The following PCSK2 variants were observed in gnomAD, a reference collection of about 807,000 sequenced individuals.
PCSK2 encodes neuroendocrine convertase 2.
Under a neutral mutation model 69.7 loss-of-function variants are expected in PCSK2, and 14 were observed. The observed-to-expected ratio is 0.20, with a 90% confidence interval of 0.13 to 0.31. PCSK2 has a LOEUF of 0.31. Ranked by LOEUF, PCSK2 falls within the 10% of genes least tolerant of loss-of-function variation. The pLI, the probability that PCSK2 is intolerant of heterozygous loss-of-function variation, is 1.00. For missense variants in PCSK2, 544 were observed against 842.5 expected (o/e 0.65, Z 4.39); for synonymous variants, 307 against 320.7 (o/e 0.96, Z 0.46).
chr20:17,427,194 A>G (rs1050309802), intron 6 of PCSK2, among the ~76,000 whole-genome samples: 2 of 152,140 alleles, frequency 1.3e-5, no homozygotes, highest in Admixed American at 1.3e-4. Flanking sequence ...CACAGGGCCC[A>G]TCTCATAGTA....
intron 6 of PCSK2, among the ~76,000 whole-genome samples, chr20:17,428,998 A>G (rs1433527173): frequency 8.2e-5 from 2 of 24,304 alleles, no homozygotes; most frequent in Non-Finnish European, 2.9e-4. Flanking sequence ...ACTCTGTCTC[A>G]AAAAAAAAAA....
At chr20:17,267,983 C>T (rs1232035782) in intron 2 of PCSK2, among the ~76,000 whole-genome samples, 1 of 147,890 alleles carries the variant, frequency 6.8e-6, no homozygotes, top group South Asian at 2.1e-4. Flanking sequence ...CTGATTCCCT[C>T]CCCAACCTTC....
intron 2 of PCSK2, among the ~76,000 whole-genome samples, chr20:17,329,992 AC>A (rs1325051592): frequency 3.3e-5 from 5 of 152,248 alleles, no homozygotes; most frequent in African/African-American, 1.2e-4. Flanking sequence ...TGAAGTAGCC[AC>A]ATTTCTATAA....
intron 7 of PCSK2, among the ~76,000 whole-genome samples, chr20:17,432,575 T>G (rs759660998): frequency 6.6e-6 from 1 of 152,270 alleles, no homozygotes; most frequent in Non-Finnish European, 1.5e-5. Flanking sequence ...CTTTCTTTTT[T>G]CATTTTAATT....
At chr20:17,459,821 C>A (rs923458851) in intron 10 of PCSK2, among the ~76,000 whole-genome samples, 1 of 152,178 alleles carries the variant, frequency 6.6e-6, no homozygotes, top group Non-Finnish European at 1.5e-5. Flanking sequence ...GCCAGCCTGT[C>A]GCTGATCTGT....
chr20:17,384,425 CAAAA>C (rs11478291), intron 5 of PCSK2, among the ~76,000 whole-genome samples: 4 of 106,546 alleles, frequency 3.8e-5, no homozygotes, highest in Non-Finnish European at 7.3e-5. Flanking sequence ...CCATATCTAC[CAAAA>C]AAAAAAAAAA....
chr20:17,311,184 T>C (rs1006693417), intron 2 of PCSK2, among the ~76,000 whole-genome samples: 1 of 152,082 alleles, frequency 6.6e-6, no homozygotes, highest in Non-Finnish European at 1.5e-5. Context: ...AACAAGATAA[T>C]GAAACCTTCT....
intron 6 of PCSK2, among the ~76,000 whole-genome samples, chr20:17,424,894 C>A (rs796803311): frequency 6.7e-4 from 102 of 152,260 alleles, no homozygotes; most frequent in African/African-American, 2.2e-3. Context: ...AAGCAATTCT[C>A]ATGTCTCAGC....
At chr20:17,463,666 C>G (rs1485544973) in intron 10 of PCSK2, 1 of 145,540 alleles carries the variant, frequency 6.9e-6, no homozygotes, top group Non-Finnish European at 1.5e-5. Flanking sequence ...CATCCCCCCA[C>G]CCCCCACACA....
chr20:17,419,132 C>G (rs1422938321), intron 6 of PCSK2, among the ~76,000 whole-genome samples: 1 of 152,232 alleles, frequency 6.6e-6, no homozygotes, highest in Non-Finnish European at 1.5e-5. Context: ...ATCTCATACC[C>G]TCTGCATTTA....
intron 2 of PCSK2, among the ~76,000 whole-genome samples, chr20:17,353,556 A>C (rs1878983740): frequency 6.6e-6 from 1 of 152,202 alleles, no homozygotes; most frequent in Admixed American, 6.5e-5. Context: ...AAAGTAAATC[A>C]ATTCAGCCAC....
At chr20:17,367,721 C>A (rs1229184451) in intron 4 of PCSK2, among the ~76,000 whole-genome samples, 1 of 152,144 alleles carries the variant, frequency 6.6e-6, no homozygotes, top group African/African-American at 2.4e-5. Flanking sequence ...TGGTCTTGAA[C>A]TCTTGGCCTC....
At chr20:17,332,982 T>C (rs1356725760) in intron 2 of PCSK2, among the ~76,000 whole-genome samples, 1 of 152,154 alleles carries the variant, frequency 6.6e-6, no homozygotes, top group Middle Eastern at 3.2e-3. Flanking sequence ...TGTTTTTTGA[T>C]GGGGGCATAA....
chr20:17,416,911 C>G (rs1225102463), intron 6 of PCSK2, among the ~76,000 whole-genome samples: 1 of 152,154 alleles, frequency 6.6e-6, no homozygotes, highest in Non-Finnish European at 1.5e-5. Flanking sequence ...TCTCAGCACA[C>G]CATCACAAGG....
At chr20:17,378,273 G>A (rs185386999) in intron 5 of PCSK2, among the ~76,000 whole-genome samples, 1 of 150,742 alleles carries the variant, frequency 6.6e-6, no homozygotes, top group Non-Finnish European at 1.5e-5. Flanking sequence ...TGTTTTCTTG[G>A]GTCGATACAG....
intron 1 of PCSK2, 75 bp downstream of exon 1, chr20:17,227,557 C>A (rs1202461673): frequency 4.3e-6 from 5 of 1,173,668 alleles, no homozygotes; most frequent in African/African-American, 1.5e-5. Context: ...AATCTCATTG[C>A]AGATTTGCAA....
At chr20:17,458,514 G>T (rs1158906015) in intron 10 of PCSK2, among the ~76,000 whole-genome samples, 1 of 152,264 alleles carries the variant, frequency 6.6e-6, no homozygotes, top group African/African-American at 2.4e-5. Context: ...GGCTCCAATA[G>T]CCAAAAGTGA....
chr20:17,370,979 G>A (rs997212005), intron 5 of PCSK2, among the ~76,000 whole-genome samples: 1 of 152,194 alleles, frequency 6.6e-6, no homozygotes, highest in African/African-American at 2.4e-5. Flanking sequence ...TCCACCCTCT[G>A]CAGACAGAGG....
intron 5 of PCSK2, among the ~76,000 whole-genome samples, chr20:17,379,963 G>T (rs2031043611): frequency 6.6e-6 from 1 of 152,164 alleles, no homozygotes; most frequent in Admixed American, 6.5e-5. Flanking sequence ...TGTGAACAGG[G>T]CCACATGGCA....
Sources: allele counts gnomAD v4.1 joint callset (sites outside exome capture counted in the v4.1 genomes callset), GRCh38; gene constraint gnomAD v4.1.1; transcripts MANE v1.5; gene names NCBI Gene and HGNC (gene_info 2026-07-23, HGNC 2026-07-21).